Variants in TSPAN3 observed in about 807,000 individuals in gnomAD.
The protein encoded by TSPAN3 is tetraspanin 3, also known as tetraspanin-3.
Under a neutral mutation model 31.1 loss-of-function variants are expected in TSPAN3, and 9 were observed. The ratio of observed to expected loss-of-function variants is 0.29; its 90% confidence interval spans 0.17 to 0.50. The LOEUF (loss-of-function observed/expected upper bound fraction) is 0.50. TSPAN3 is among the 20% of genes least tolerant of loss of function. The pLI is 0.98. For missense variants in TSPAN3, 252 were observed against 313.5 expected (o/e 0.80, Z 1.48); for synonymous variants, 129 against 114.3 (o/e 1.13, Z -0.82).
chr15:77,052,667 T>C, intron 5 of TSPAN3, 110 bp downstream of exon 5: 1 of 1,254,266 alleles, frequency 8.0e-7, no homozygotes, highest in Non-Finnish European at 1.1e-6. Context: ...TAAAACAATA[T>C]ATGACATTAA....
intron 1 of TSPAN3, among the ~76,000 whole-genome samples, chr15:77,062,347 C>T (rs997832747): frequency 6.6e-6 from 1 of 152,184 alleles, no homozygotes; most frequent in Non-Finnish European, 1.5e-5. Flanking sequence ...GAACAGTTTA[C>T]GTCACTAAAC....
intron 5 of TSPAN3, 81 bp from the exon 6 acceptor site, chr15:77,052,549 A>C: frequency 7.3e-7 from 1 of 1,361,930 alleles, no homozygotes; most frequent in African/African-American, 1.4e-5. Context: ...ACCCACTTAC[A>C]GAAAGGAAAA....
At chr15:77,055,590 A>G (rs2076763739) in intron 3 of TSPAN3, 199 bp downstream of exon 3, 2 of 519,044 alleles carry the variant, frequency 3.9e-6, no homozygotes, top group African/African-American at 1.9e-5. Flanking sequence ...CAATACATAT[A>G]TAACACTCTG....
At chr15:77,055,973 C>A (rs1356024928) in intron 2 of TSPAN3, 91 bp downstream of exon 2, 14 of 1,520,924 alleles carry the variant, frequency 9.2e-6, no homozygotes, top group Non-Finnish European at 1.1e-5. Flanking sequence ...TAAATGTTAA[C>A]TCTGTTCCAA....
chr15:77,055,087 T>G (rs910967855), intron 3 of TSPAN3: 1 of 152,254 alleles, frequency 6.6e-6, no homozygotes, highest in African/African-American at 2.4e-5. Flanking sequence ...GAAAATTAAC[T>G]TGGCATATTA....
intron 3 of TSPAN3, chr15:77,055,160 T>G (rs2076760417): frequency 6.6e-6 from 1 of 152,236 alleles, no homozygotes; most frequent in African/African-American, 2.4e-5. Context: ...TTACCATGCC[T>G]CTAAAATTAT....
At chr15:77,058,808 T>G (rs903675046) in intron 1 of TSPAN3, among the ~76,000 whole-genome samples, 1 of 152,256 alleles carries the variant, frequency 6.6e-6, no homozygotes, top group Admixed American at 6.5e-5. Context: ...TGGTTTCTCT[T>G]CAGTTCAATG....
At chr15:77,053,051 G>A in intron 4 of TSPAN3, 122 bp from the exon 5 acceptor site, 3 of 973,940 alleles carry the variant, frequency 3.1e-6, no homozygotes, top group South Asian at 1.8e-5. Context: ...TTTCTATAAT[G>A]GAAAGTCTGC....
chr15:77,071,052 G>GCCTGCGCGGCGCTCCCCGCAGCC lies in TSPAN3; in HGVS notation c.-121_-99dup, dbSNP rs1190926540. On this transcript the variant is annotated 5_prime_UTR_variant, in exon 1 of 7. Coordinates refer to ENST00000267970, the MANE Select transcript of TSPAN3 (RefSeq NM_005724.6). ...GCGCCTCCTCGCTAGGAACTGCACG[G>GCCTGCGCGGCGCTCCCCGCAGCC]CCTGCGCGGCGCTCCCCGCAGCCCC... 1.2e-6 allele frequency: 1 copy of GCCTGCGCGGCGCTCCCCGCAGCC among 841,776 alleles called. No individual in the cohort carries two copies. The highest frequency in any genetic ancestry group is 4.6e-5 in the Admixed American group (1 of 21,590). The allele number at this position is 841,776 out of a possible 1,614,324, so 52.1% of individuals were successfully genotyped here. A position where few individuals can be genotyped will look rare whatever the true frequency, so the allele number is the denominator to read the frequency against.
In TSPAN3 at chr15:77,047,443, G is replaced by A. The variant is rs565558757; in HGVS notation, c.670-516C>T. On this transcript the variant is annotated intron_variant, in intron 6 of 6. Transcript: ENST00000267970. ...AATAGTGGTCTTTTCAGGTCTTTTGGTTTTTGGAAAACGAAATTCAGTATG... is the reference window on the plus strand; with the variant it reads ...AATAGTGGTCTTTTCAGGTCTTTTGATTTTTGGAAAACGAAATTCAGTATG... 4.2e-4 allele frequency among the ~76,000 whole-genome samples: 64 copies of A among 152,234 alleles called. 2 individuals carry two copies. Among genetic ancestry groups the A allele is most frequent in the South Asian group, 2.5e-3 (12 of 4,824 alleles).
intron 5 of TSPAN3, 146 bp from the exon 6 acceptor site, chr15:77,052,614 C>T: frequency 9.1e-7 from 1 of 1,092,902 alleles, no homozygotes; most frequent in Non-Finnish European, 1.3e-6. Flanking sequence ...AATTTACAGA[C>T]ATGTAATTAA....
At chr15:77,053,162 AGCCAGACATGGCTAGTG>A (rs2076742820) in intron 4 of TSPAN3, among the ~76,000 whole-genome samples, 1 of 152,180 alleles carries the variant, frequency 6.6e-6, no homozygotes. Flanking sequence ...TAATGTAAAC[AGCCAGACATGGCTAGTG>A]GCTCCAGAAT....
intron 4 of TSPAN3, among the ~76,000 whole-genome samples, chr15:77,053,967 CA>C (rs1160108050): frequency 6.6e-6 from 1 of 151,950 alleles, no homozygotes; most frequent in Admixed American, 6.6e-5. Context: ...AAGGGGAAAT[CA>C]GATGATAAAA....
In TSPAN3 at chr15:77,070,971, GA is replaced by G; in HGVS notation, c.-18del. 1 of 1,423,686 alleles carries G rather than the reference GA, an allele frequency of 7.0e-7. No homozygotes were observed. The highest frequency in any genetic ancestry group is 9.2e-7 in the Non-Finnish European group (1 of 1,081,378). The allele number at this position is 1,423,686 out of a possible 1,614,324, so 88.2% of individuals were successfully genotyped here. A position where few individuals can be genotyped will look rare whatever the true frequency, so the allele number is the denominator to read the frequency against. On this transcript the variant is annotated 5_prime_UTR_variant, in exon 1 of 7. Coordinates refer to ENST00000267970, the MANE Select transcript of TSPAN3 (RefSeq NM_005724.6). ...CTGGCCCATGGCGCCGGTGGCCCGCGAAGGCCCGGCCCGGAGAGCGGGGCTG... is the reference window on the plus strand; with the variant it reads ...CTGGCCCATGGCGCCGGTGGCCCGCGAGGCCCGGCCCGGAGAGCGGGGCTG...
At position 77,062,719 on chromosome 15, in the gene TSPAN3, A is replaced by T. The variant is rs74025055; in HGVS notation, c.64-6464T>A. On this transcript the variant is annotated intron_variant, in intron 1 of 6. Transcript: ENST00000267970. ...CCAGGAATCTATCCTTTAGAAAGTT[A>T]GTCAGAAACACAGATTTGTGTAAAA... Among the ~76,000 whole-genome samples the T allele has an allele frequency of 5.3e-3, 815 of 152,360 alleles. 7 individuals carry two copies. Among genetic ancestry groups the T allele is most frequent in the African/African-American group, 0.018 (762 of 41,582 alleles).
chr15:77,064,502 A>C (rs1249807866), intron 1 of TSPAN3: 1 of 152,240 alleles, frequency 6.6e-6, no homozygotes, highest in East Asian at 1.9e-4. Flanking sequence ...ATTTCAAAGC[A>C]TGATAAATAT....
At chr15:77,070,775 GGCCCGCGCGCGGCCCCCGCGC>G (rs1386860318) in intron 1 of TSPAN3, 96 bp downstream of exon 1, 14 of 427,342 alleles carry the variant, frequency 3.3e-5, no homozygotes, top group African/African-American at 6.5e-5. Context: ...GCCGCCTGAG[GGCCCGCGCGCGGCCCCCGCGC>G]GCCCGCCCAG....
intron 1 of TSPAN3, chr15:77,063,666 T>A (rs533102400): frequency 2.0e-4 from 31 of 152,332 alleles, no homozygotes; most frequent in African/African-American, 7.0e-4. Context: ...TATTTTCACC[T>A]TTTCTCTATT....
At position 77,057,708 on chromosome 15, in the gene TSPAN3, G is replaced by A. The variant is rs147173013; in HGVS notation, c.64-1453C>T. Among the ~76,000 whole-genome samples the A allele has an allele frequency of 2.2e-3, 330 of 152,004 alleles. 1 individual carries two copies. Among genetic ancestry groups the A allele is most frequent in the Middle Eastern group, 0.01 (3 of 294 alleles). Reference sequence around the variant, plus strand: ...GTGCTCACTTTTTCATTCTCTTCACGGACTCTGAGATGTTAGTGATCTCCA... The same window carrying A: ...GTGCTCACTTTTTCATTCTCTTCACAGACTCTGAGATGTTAGTGATCTCCA... On this transcript the variant is annotated intron_variant, in intron 1 of 6. Transcript: ENST00000267970.
Sources: gnomAD v4.1 joint callset for allele counts (sites outside exome capture counted in the v4.1 genomes callset) on GRCh38, gnomAD v4.1.1 for gene constraint, MANE v1.5 for transcripts, NCBI Gene and HGNC (gene_info 2026-07-23, HGNC 2026-07-21) for gene names.